The following RBFOX1 variants were observed in gnomAD, a reference collection of about 807,000 sequenced individuals.
RBFOX1 encodes RNA binding protein fox-1 homolog 1.
RBFOX1 carries 8 observed loss-of-function variants against 57.7 expected under a neutral mutation model. That is an observed-to-expected ratio of 0.14 (90% CI 0.08 to 0.25). RBFOX1 has a LOEUF of 0.25. RBFOX1 is among the 10% of genes least tolerant of loss of function. RBFOX1 has a pLI of 1.00. For synonymous variants in RBFOX1, 326 were observed against 222.4 expected, an observed-to-expected ratio of 1.47 and a Z score of -4.15; for missense variants, 611 against 548.5, an observed-to-expected ratio of 1.11 and a Z score of -1.14.
intron 5 of RBFOX1, among the ~76,000 whole-genome samples, chr16:7,541,564 T>G (rs1466417421): frequency 6.6e-6 from 1 of 152,224 alleles, no homozygotes; most frequent in East Asian, 1.9e-4. Flanking sequence ...AAATCCTGCT[T>G]ATTCCATCTA....
intron 4 of RBFOX1, among the ~76,000 whole-genome samples, chr16:5,949,474 C>G (rs112090948): frequency 0.31 from 43,950 of 141,874 alleles, 7,212 homozygotes; most frequent in African/African-American, 0.44. Context: ...TGCAGTGAGT[C>G]GAGATCACGC....
rs9938342 is a variant in RBFOX1, at chr16:6,184,548, C to T, written c.-126-132447C>T. 4.4e-3 allele frequency among the ~76,000 whole-genome samples: 664 copies of T among 152,058 alleles called. 2 individuals are homozygous for T. Among genetic ancestry groups the T allele is most frequent in the African/African-American group, 0.015 (611 of 41,512 alleles). On this transcript the variant is annotated intron_variant, in intron 1 of 15. Coordinates refer to ENST00000550418, the MANE Select transcript of RBFOX1 (RefSeq NM_018723.4). Reference sequence around the variant, plus strand: ...AAAGAGAGAGAGGGGTCAGTGTTTACTATGGGAATTTTTATTATTCTTATT... The same window carrying T: ...AAAGAGAGAGAGGGGTCAGTGTTTATTATGGGAATTTTTATTATTCTTATT...
intron 2 of RBFOX1, among the ~76,000 whole-genome samples, chr16:6,529,117 A>G (rs1002689901): frequency 6.6e-6 from 1 of 152,112 alleles, no homozygotes; most frequent in Non-Finnish European, 1.5e-5. Context: ...TATACTCCGA[A>G]ATGTGGTGAA....
In RBFOX1 at chr16:5,270,137, A is replaced by G. The variant is rs553178017; in HGVS notation, c.219+30032A>G. On this transcript the variant is annotated intron_variant, in intron 1 of 2. Transcript: ENST00000585867. ...TGGTGAAACCCTGTCTCTACCAAAA[A>G]TATAAAATTTAGCCTTTTGGTACTC... 1.4e-5 allele frequency: 4 copies of G among 277,716 alleles called. 1 individual carries two copies. Among genetic ancestry groups the G allele is most frequent in the East Asian group, 8.7e-5 (1 of 11,522 alleles). 17.2% of individuals were successfully genotyped at this position (277,716 alleles called of 1,614,324 possible). A position where few individuals can be genotyped will look rare whatever the true frequency, so the allele number is the denominator to read the frequency against.
intron 4 of RBFOX1, among the ~76,000 whole-genome samples, chr16:7,290,710 G>A (rs1247595378): frequency 2.6e-5 from 4 of 152,316 alleles, no homozygotes; most frequent in African/African-American, 7.2e-5. Context: ...GAAAAATACC[G>A]TTCTCATGGG....
intron 1 of RBFOX1, among the ~76,000 whole-genome samples, chr16:6,101,801 C>T (rs923022956): frequency 1.3e-5 from 2 of 152,174 alleles, no homozygotes; most frequent in Non-Finnish European, 2.9e-5. Flanking sequence ...ACTCCTACCC[C>T]TGCCCAAATC....
intron 3 of RBFOX1, among the ~76,000 whole-genome samples, chr16:5,827,660 G>GT (rs2056113038): frequency 6.6e-6 from 1 of 152,110 alleles, no homozygotes; most frequent in Non-Finnish European, 1.5e-5. Context: ...GGCTGCAGCT[G>GT]TTTTTTAGTT....
At chr16:6,610,967 C>G (rs1601470279) in intron 2 of RBFOX1, among the ~76,000 whole-genome samples, 1 of 152,150 alleles carries the variant, frequency 6.6e-6, no homozygotes, top group African/African-American at 2.4e-5. Flanking sequence ...TCTGCATTCA[C>G]TTAGCAGCAA....
intron 2 of RBFOX1, among the ~76,000 whole-genome samples, chr16:6,343,702 A>G (rs1470385002): frequency 1.3e-5 from 2 of 152,232 alleles, no homozygotes; most frequent in Non-Finnish European, 2.9e-5. Context: ...AATTAATACA[A>G]ATGCATGTCA....
In RBFOX1 at chr16:6,861,491, C is replaced by A. The variant is rs112441296; in HGVS notation, c.-15-190566C>A. Among the ~76,000 whole-genome samples the A allele has an allele frequency of 7.9e-5, 12 of 151,326 alleles. 1 individual carries two copies. The highest frequency in any genetic ancestry group is 6.4e-4 in the South Asian group (3 of 4,706). The stretch of plus-strand genomic sequence containing the variant: ...ATGATTCCCCTCCCAACCCCCTCCC[C>A]CCCCGACTCAATTACAAGAATAATT... On this transcript the variant is annotated intron_variant, in intron 3 of 15. Transcript: ENST00000550418.
At chr16:5,623,006 A>G (rs2048244369) in intron 3 of RBFOX1, among the ~76,000 whole-genome samples, 1 of 152,208 alleles carries the variant, frequency 6.6e-6, no homozygotes, top group African/African-American at 2.4e-5. Flanking sequence ...GTTATATGCA[A>G]ATACTATGCC....
At chr16:5,601,123 T>C (rs912467192), downstream of RBFOX1, 1 of 152,246 alleles carries the variant, frequency 6.6e-6, no homozygotes, top group Non-Finnish European at 1.5e-5. Flanking sequence ...CCGTGACAGT[T>C]ACACTGAACT....
chr16:6,661,793 G>C (rs2098703229), intron 3 of RBFOX1, among the ~76,000 whole-genome samples: 1 of 152,194 alleles, frequency 6.6e-6, no homozygotes. Flanking sequence ...CTGTCTCTTT[G>C]AAATGTTGAT....
At chr16:5,700,999 G>C (rs920020886) in intron 3 of RBFOX1, among the ~76,000 whole-genome samples, 14 of 152,120 alleles carry the variant, frequency 9.2e-5, no homozygotes, top group African/African-American at 3.4e-4. Context: ...ACACTGGGTA[G>C]GCAAAAAGAG....
intron 3 of RBFOX1, among the ~76,000 whole-genome samples, chr16:5,685,208 C>G (rs1325209411): frequency 1.3e-5 from 2 of 152,128 alleles, no homozygotes; most frequent in Non-Finnish European, 2.9e-5. Context: ...TATCACCAAC[C>G]TATTAAGGAT....
chr16:7,529,631 A>G (rs1001110552), intron 5 of RBFOX1, among the ~76,000 whole-genome samples: 1 of 152,116 alleles, frequency 6.6e-6, no homozygotes, highest in African/African-American at 2.4e-5. Flanking sequence ...TCTCCTGTTC[A>G]CTACTATTTT....
chr16:7,047,716 C>CTTTTTTTTTTTTTTTT (rs55636828), intron 3 of RBFOX1, among the ~76,000 whole-genome samples: 8 of 47,938 alleles, frequency 1.7e-4, no homozygotes, highest in East Asian at 4.1e-4. Flanking sequence ...TCCTGCATTT[C>CTTTTTTTTTTTTTTTT]TTTTTTTTTT....
intron 2 of RBFOX1, among the ~76,000 whole-genome samples, chr16:6,565,919 C>CTTTGTT (rs920191152): frequency 2.0e-5 from 3 of 152,272 alleles, no homozygotes; most frequent in African/African-American, 7.2e-5. Context: ...AACCAATGTG[C>CTTTGTT]TTTGTTTTTG....
chr16:6,648,209 C>G (rs2154080493), intron 2 of RBFOX1, among the ~76,000 whole-genome samples: 1 of 152,044 alleles, frequency 6.6e-6, no homozygotes, highest in South Asian at 2.1e-4. Context: ...CCCCACCTAG[C>G]TAATTTTTTT....
Sources: allele counts gnomAD v4.1 joint callset (sites outside exome capture counted in the v4.1 genomes callset), GRCh38; gene constraint gnomAD v4.1.1; transcripts MANE v1.5; gene names NCBI Gene and HGNC (gene_info 2026-07-23, HGNC 2026-07-21).